Variants in CCDC22 observed in about 807,000 individuals in gnomAD.
The protein encoded by CCDC22 is CCC complex scaffolding subunit CCDC22.
In CCDC22, 4 loss-of-function variants were observed where a neutral mutation model predicts 53.1. The observed-to-expected ratio is 0.08, with a 90% confidence interval of 0.04 to 0.17. The LOEUF (loss-of-function observed/expected upper bound fraction) is 0.17, where lower values mean the gene tolerates loss of function less well. Among genes scored for constraint, CCDC22 ranks in the 10% least tolerant of loss-of-function variants. The pLI is 1.00. For synonymous variants in CCDC22, 222 were observed against 224.4 expected (o/e 0.99, Z 0.10); for missense variants, 458 against 554.0 (o/e 0.83, Z 1.74).
At chrX:49,235,861 A>ACACACGCACG (rs1317193784) in intron 1 of CCDC22, among the ~76,000 whole-genome samples, 175 bp downstream of exon 1, 15 of 105,740 alleles carry the variant, frequency 1.4e-4, no homozygotes, top group African/African-American at 5.3e-4. Context: ...ACACACACAC[A>ACACACGCACG]CACGCACACA....
chrX:49,248,823 G>A lies in CCDC22; in HGVS notation c.1438G>A (p.Glu480Lys). ...KEEVYKQLMS[E>K]LETLPRDVSR... ...CTGCTATATCCCTGCCTAGATGTCA[G>A]AGCTGGAGACTCTGCCCAGAGATGT... Residue 480 changes from glutamate to lysine, a missense_variant, in exon 13 of 17, where the codon GAG becomes AAG. Transcript: ENST00000376227. The A allele has an allele frequency of 8.3e-7, 1 of 1,210,136 alleles. No homozygotes were observed.
At chrX:49,239,796 G>T (rs1839310578) in intron 2 of CCDC22, among the ~76,000 whole-genome samples, 1 of 110,674 alleles carries the variant, frequency 9.0e-6, no homozygotes, top group Non-Finnish European at 1.9e-5. Flanking sequence ...TCTTCTGTTT[G>T]CAGAGGAGAG....
chrX:49,245,180 G>A (rs782221127), intron 6 of CCDC22, among the ~76,000 whole-genome samples: 1 of 106,377 alleles, frequency 9.4e-6, no homozygotes, highest in Non-Finnish European at 1.9e-5. Context: ...CTTCCTCTCT[G>A]TCCACCTCTG....
intron 16 of CCDC22, 62 bp from the exon 17 acceptor site, chrX:49,250,086 G>A: frequency 2.9e-6 from 2 of 701,399 alleles, no homozygotes; most frequent in Admixed American, 5.3e-5. Context: ...ATGGGGGCTG[G>A]TGAGCAGGAG....
Position 49,246,881 on chromosome X carries a change from A to G in CCDC22, c.865A>G (p.Lys289Glu), listed in dbSNP as rs1557114289. 1.7e-6 allele frequency: 2 copies of G among 1,200,579 alleles called. No individual in the cohort carries two copies. The highest frequency in any genetic ancestry group is 4.4e-5 in the Admixed American group (2 of 45,110). The change falls in exon 7 of 17, where the codon AAG becomes GAG. Residue 289 changes from lysine (K) to glutamate (E), a missense_variant. Transcript: ENST00000376227. ...WGAGAKTGAP[K>E]GSRFTHSEKF... ...TGCTGGGGCCAAGACTGGTGCTCCT[A>G]AGGGCTCCCGCTTCACGCACTCAGA...
intron 1 of CCDC22, among the ~76,000 whole-genome samples, chrX:49,236,538 C>T (rs970017807): frequency 3.6e-5 from 4 of 110,980 alleles, no homozygotes; most frequent in African/African-American, 1.3e-4. Context: ...AATCTGACAT[C>T]AGCATTTGGT....
chrX:49,244,458 A>G (rs1302927213), intron 6 of CCDC22, among the ~76,000 whole-genome samples: 2 of 109,373 alleles, frequency 1.8e-5, no homozygotes, highest in Non-Finnish European at 3.8e-5. Context: ...CCACCTCTGT[A>G]TCTGTTGCCC....
At position 49,248,865 on chromosome X, in the gene CCDC22, A is replaced by G; in HGVS notation, c.1480A>G (p.Thr494Ala). The G allele has an allele frequency of 2.5e-6, 3 of 1,210,663 alleles. No homozygotes were observed. Among genetic ancestry groups the G allele is most frequent in the Non-Finnish European group, 3.4e-6 (3 of 895,226 alleles). Residue 494 changes from threonine (T) to alanine (A), a missense_variant, in exon 13 of 17, where the codon ACC becomes GCC. Coordinates refer to ENST00000376227, the MANE Select transcript of CCDC22 (RefSeq NM_014008.5). ...LPRDVSRLAY[T>A]QRILEIVGNI... ...CAGAGATGTGTCCCGGCTGGCCTAC[A>G]CCCAGCGCATCCTGGAGATCGTGGG...
intron 1 of CCDC22, among the ~76,000 whole-genome samples, chrX:49,236,050 GGA>G (rs1557112668): frequency 9.2e-6 from 1 of 108,685 alleles, no homozygotes; most frequent in Non-Finnish European, 1.9e-5. Context: ...CCTGTTATCT[GGA>G]GACCCTAAGA....
rs2066015309 is a variant in CCDC22 at position 49,249,744 on chromosome X, A to T, written c.1770+19A>T. ...GGAGCAGGTGAGGCCTGGGGGCAGG[A>T]TGGGGAGCCAAGGCGGGCCGGGGGG... On this transcript the variant is annotated intron_variant, in intron 16 of 16. Transcript: ENST00000376227. The T allele has an allele frequency of 8.5e-7, 1 of 1,170,407 alleles. No homozygotes were observed. Among genetic ancestry groups the T allele is most frequent in the Non-Finnish European group, 1.2e-6 (1 of 860,099 alleles).
Position 49,250,447 on chromosome X carries a change from C to G in CCDC22, c.*186C>G. On this transcript the variant is annotated 3_prime_UTR_variant, in exon 17 of 17. Transcript: ENST00000376227. ...GTGATAGTCCAGCATGTGGGGAGCT[C>G]GGCTGCAGTTTATTGGGGACGGTAC... is the stretch of plus-strand genomic sequence containing the variant. 2 of 505,348 alleles carry G rather than the reference C, an allele frequency of 4.0e-6. No individual in the cohort carries two copies. Among genetic ancestry groups the G allele is most frequent in the African/African-American group, 2.3e-5 (1 of 43,743 alleles). The allele number at this position is 505,348 out of a possible 1,213,427, so 41.6% of individuals were successfully genotyped here.
intron 3 of CCDC22, chrX:49,242,420 G>T (rs782745805): frequency 5.2e-6 from 3 of 572,839 alleles, no homozygotes; most frequent in Non-Finnish European, 6.3e-6. Context: ...CTCTCACTTC[G>T]CTCTAACCAC....
chrX:49,235,746 C>T, intron 1 of CCDC22, 60 bp downstream of exon 1: 1 of 1,037,073 alleles, frequency 9.6e-7, no homozygotes, highest in Non-Finnish European at 1.3e-6. Flanking sequence ...AAGCCCAGGA[C>T]CCCGTTTCCC....
chrX:49,248,786 C>T lies in CCDC22; in HGVS notation c.1432-31C>T, dbSNP rs782029377. 5.1e-5 allele frequency: 62 copies of T among 1,204,530 alleles called. No homozygotes were observed. The East Asian group carries it at 1.8e-3, about 35-fold the overall frequency. On this transcript the variant is annotated intron_variant, in intron 12 of 16. Transcript: ENST00000376227. The stretch of plus-strand genomic sequence containing the variant: ...AGCTTAGGAGGGTGGGGGGATGGTC[C>T]TGGGGCAGTGCCTGCTATATCCCTG...
intron 2 of CCDC22, chrX:49,239,440 A>G (rs1227224104): frequency 2.7e-6 from 2 of 747,824 alleles, no homozygotes; most frequent in African/African-American, 2.3e-5. Flanking sequence ...GATAGGTCCG[A>G]TCTGGAACCT....
chrX:49,242,422 T>C, intron 3 of CCDC22: 1 of 561,685 alleles, frequency 1.8e-6, no homozygotes, highest in Non-Finnish European at 2.2e-6. Context: ...CTCACTTCGC[T>C]CTAACCACTT....
chrX:49,241,895 G>A, intron 2 of CCDC22, 121 bp from the exon 3 acceptor site: 1 of 767,047 alleles, frequency 1.3e-6, no homozygotes, highest in African/African-American at 2.1e-5. Context: ...GCCTTGGGGA[G>A]CTGGGGGAGG....
rs1446959358 is a variant in CCDC22 at position 49,242,996 on chromosome X, A to G, written c.468+4A>G. 8.8e-7 allele frequency: 1 copy of G among 1,138,275 alleles called. No homozygotes were observed. Among genetic ancestry groups the G allele is most frequent in the African/African-American group, 1.8e-5 (1 of 55,025 alleles). The allele number at this position is 1,138,275 out of a possible 1,213,427, so 93.8% of individuals were successfully genotyped here. A position where few individuals can be genotyped will look rare whatever the true frequency, so the allele number is the denominator to read the frequency against. ...TCCCAAGCTGCAGCACCTCCAGGTG[A>G]GACCCCTGACTCCCATGGATCTTCT... is the stretch of plus-strand genomic sequence containing the variant. On this transcript the variant is annotated splice_donor_region_variant and intron_variant, in intron 4 of 16. Coordinates refer to ENST00000376227, the MANE Select transcript of CCDC22 (RefSeq NM_014008.5).
chrX:49,245,983 G>GT (rs782544477), intron 6 of CCDC22, among the ~76,000 whole-genome samples: 11 of 89,690 alleles, frequency 1.2e-4, no homozygotes, highest in South Asian at 5.1e-4. Context: ...TTTTTTTTTT[G>GT]TTTTTTTTTG....
Sources: allele counts gnomAD v4.1 joint callset (sites outside exome capture counted in the v4.1 genomes callset), GRCh38; gene constraint gnomAD v4.1.1; transcripts MANE v1.5; gene names NCBI Gene and HGNC (gene_info 2026-07-23, HGNC 2026-07-21).